Variants in ZFHX3 observed in about 807,000 individuals in gnomAD.
The protein encoded by ZFHX3 is zinc finger homeobox 3.
In ZFHX3, 42 loss-of-function variants were observed where a neutral mutation model predicts 279.1. The ratio of observed to expected loss-of-function variants is 0.15; its 90% CI spans 0.12 to 0.19. The LOEUF (loss-of-function observed/expected upper bound fraction) is 0.19. Ranked by LOEUF, ZFHX3 falls within the 10% of genes least tolerant of loss-of-function variation. The pLI is 1.00. For missense variants in ZFHX3, 4,981 were observed against 4,754.0 expected (o/e 1.05, Z -1.40); for synonymous variants, 2,293 against 1,957.8 (o/e 1.17, Z -4.52).
At chr16:73,600,209 G>T (rs1310355270) in intron 2 of ZFHX3, among the ~76,000 whole-genome samples, 1 of 152,160 alleles carries the variant, frequency 6.6e-6, no homozygotes, top group African/African-American at 2.4e-5. Context: ...CAGAGAGAAG[G>T]ATCCAGAATG....
chr16:72,921,890 A>G (rs917468840), intron 3 of ZFHX3, among the ~76,000 whole-genome samples: 2 of 152,196 alleles, frequency 1.3e-5, no homozygotes, highest in Non-Finnish European at 2.9e-5. Flanking sequence ...GGGAAAAATG[A>G]AAATGGCCAC....
chr16:73,493,531 G>C (rs541211598), intron 2 of ZFHX3, among the ~76,000 whole-genome samples: 1 of 152,318 alleles, frequency 6.6e-6, no homozygotes, highest in East Asian at 1.9e-4. Context: ...GTAATAGCTA[G>C]ATTGGGTCAG....
At chr16:73,434,783 C>G (rs192597708) in intron 3 of ZFHX3, among the ~76,000 whole-genome samples, 255 of 152,236 alleles carry the variant, frequency 1.7e-3, no homozygotes, top group Middle Eastern at 3.4e-3. Flanking sequence ...AGGTCAGTGA[C>G]TTCAACAGTC....
At chr16:73,383,530 A>AT (rs1222312524) in intron 3 of ZFHX3, among the ~76,000 whole-genome samples, 2 of 152,176 alleles carry the variant, frequency 1.3e-5, no homozygotes, top group Non-Finnish European at 2.9e-5. Context: ...CGGAGCTGAC[A>AT]TTTTCTGCAA....
At chr16:72,904,607 C>T (rs1597364814) in intron 3 of ZFHX3, among the ~76,000 whole-genome samples, 1 of 152,046 alleles carries the variant, frequency 6.6e-6, no homozygotes, top group African/African-American at 2.4e-5. Context: ...CCACCTTCCC[C>T]ACCAACTATG....
Position 72,958,627 on chromosome 16 carries a change from G to T in ZFHX3, c.1519C>A (p.Pro507Thr), listed in dbSNP as rs1449981669. Reference protein sequence around the residue: ...SELDEELEDRPHEEPGAAAGS... With the variant: ...SELDEELEDRTHEEPGAAAGS... ...GCTGCGGCCCCAGGCTCCTCATGGGGCCTGTCCTCCAGTTCCTCATCCAAC... is the reference window on the plus strand; with the variant it reads ...GCTGCGGCCCCAGGCTCCTCATGGGTCCTGTCCTCCAGTTCCTCATCCAAC... The change falls in exon 2 of 10, where the codon CCC (proline) becomes ACC (threonine). Residue 507 changes from proline (P) to threonine (T), a missense_variant. By Grantham distance (38) the Pro-to-Thr change is conservative. Transcript: ENST00000268489. The T allele has an allele frequency of 1.2e-6, 2 of 1,614,020 alleles. No homozygotes were observed. Among genetic ancestry groups the T allele is most frequent in the Non-Finnish European group, 1.7e-6 (2 of 1,179,998 alleles).
intron 1 of ZFHX3, among the ~76,000 whole-genome samples, chr16:72,984,446 G>A (rs1962755709): frequency 6.6e-6 from 1 of 152,046 alleles, no homozygotes; most frequent in Non-Finnish European, 1.5e-5. Flanking sequence ...GGGCAACACA[G>A]TGCGACCTCG....
At chr16:73,034,388 TG>T (rs1003684981) in intron 1 of ZFHX3, among the ~76,000 whole-genome samples, 21 of 152,170 alleles carry the variant, frequency 1.4e-4, no homozygotes, top group Admixed American at 5.2e-4. Context: ...ACTCTCATCT[TG>T]GGGGGCACTA....
intron 2 of ZFHX3, among the ~76,000 whole-genome samples, chr16:73,518,744 C>T (rs2432544): frequency 0.66 from 100,768 of 152,102 alleles, 34,012 homozygotes; most frequent in East Asian, 0.99. Context: ...CCTTCGGCTG[C>T]TTTTTCCCCG....
chr16:73,520,662 G>A (rs898102617), intron 2 of ZFHX3, among the ~76,000 whole-genome samples: 1 of 152,114 alleles, frequency 6.6e-6, no homozygotes, highest in Non-Finnish European at 1.5e-5. Context: ...ATACATAGTA[G>A]ACATACATGA....
intron 1 of ZFHX3, among the ~76,000 whole-genome samples, chr16:73,805,453 G>A (rs1196056389): frequency 6.6e-6 from 1 of 152,190 alleles, no homozygotes; most frequent in Non-Finnish European, 1.5e-5. Flanking sequence ...ATAGGTGTGA[G>A]CTACCGTGGC....
At chr16:73,231,702 T>C (rs1025360146) in intron 5 of ZFHX3, among the ~76,000 whole-genome samples, 2 of 152,222 alleles carry the variant, frequency 1.3e-5, no homozygotes, top group African/African-American at 4.8e-5. Flanking sequence ...GAAGCAAATG[T>C]ATCCCTAATA....
Position 73,054,012 on chromosome 16 carries a change from G to T in ZFHX3, c.-24+4518C>A, listed in dbSNP as rs185215610. Among the ~76,000 whole-genome samples the T allele has an allele frequency of 2.6e-4, 39 of 151,838 alleles. 1 individual carries two copies. The East Asian group carries it at 7.0e-3, about 27-fold the overall frequency. On this transcript the variant is annotated intron_variant, in intron 1 of 8. Coordinates refer to the ZFHX3 transcript ENST00000397992. Reference sequence around the variant, plus strand: ...CAAGAAAACGCATGACAGTTACCATGGAGGGAGGGGGGAGGAAAGGGGCTG... The same window carrying T: ...CAAGAAAACGCATGACAGTTACCATTGAGGGAGGGGGGAGGAAAGGGGCTG...
At chr16:73,090,954 G>A (rs1202043224) in intron 8 of ZFHX3, among the ~76,000 whole-genome samples, 1 of 144,342 alleles carries the variant, frequency 6.9e-6, no homozygotes, top group Non-Finnish European at 1.5e-5. Flanking sequence ...GCTCATACCT[G>A]TAATCCCAGC....
chr16:73,205,229 A>G (rs941804530), intron 5 of ZFHX3, among the ~76,000 whole-genome samples: 1 of 152,164 alleles, frequency 6.6e-6, no homozygotes, highest in African/African-American at 2.4e-5. Flanking sequence ...CCACCTTGAG[A>G]TCTCACAGGG....
chr16:72,984,139 TC>T (rs200379748), intron 1 of ZFHX3, among the ~76,000 whole-genome samples: 1 of 152,102 alleles, frequency 6.6e-6, no homozygotes, highest in East Asian at 1.9e-4. Flanking sequence ...GCTGGCTTCC[TC>T]CCCATCTGAT....
At chr16:72,946,653 T>A (rs1050103111) in intron 3 of ZFHX3, among the ~76,000 whole-genome samples, 6 of 152,082 alleles carry the variant, frequency 3.9e-5, no homozygotes, top group Non-Finnish European at 7.4e-5. Context: ...AAGATAAACG[T>A]GGAAGAGCTG....
chr16:72,914,542 A>G (rs74028152), intron 3 of ZFHX3, among the ~76,000 whole-genome samples: 3,056 of 152,320 alleles, frequency 0.02, 45 homozygotes, highest in Middle Eastern at 0.055. Flanking sequence ...AACACCCCCG[A>G]TCTACAACCT....
chr16:73,538,246 A>G (rs1033552835), intron 2 of ZFHX3, among the ~76,000 whole-genome samples: 1 of 152,152 alleles, frequency 6.6e-6, no homozygotes, highest in African/African-American at 2.4e-5. Context: ...AAAAGACTTC[A>G]TGTCACCAGT....
Sources: allele counts gnomAD v4.1 joint callset (sites outside exome capture counted in the v4.1 genomes callset), GRCh38; gene constraint gnomAD v4.1.1; transcripts MANE v1.5; gene names NCBI Gene and HGNC (gene_info 2026-07-23, HGNC 2026-07-21).